SPATA7: variants seen among roughly 807,000 people sequenced by gnomAD.
SPATA7 encodes the protein spermatogenesis-associated protein 7.
Under a neutral mutation model 51.8 loss-of-function variants are expected in SPATA7, and 43 were observed. The ratio of observed to expected loss-of-function variants is 0.83; its 90% CI spans 0.65 to 1.07. The LOEUF is 1.07. SPATA7 is among the 50% of genes least tolerant of loss of function. SPATA7 has a pLI of 0.00. For synonymous variants in SPATA7, 230 were observed against 252.8 expected (o/e 0.91, Z 0.86); for missense variants, 683 against 701.3 (o/e 0.97, Z 0.30).
intron 4 of SPATA7, among the ~76,000 whole-genome samples, chr14:88,462,504 TAA>T (rs1194135336): frequency 2.0e-5 from 3 of 152,230 alleles, no homozygotes; most frequent in Admixed American, 1.3e-4. Context: ...AGTGTGAATT[TAA>T]GTTACACACG....
At position 88,426,629 on chromosome 14, in the gene SPATA7, G is replaced by T. The variant is rs533185075; in HGVS notation, c.770G>T (p.Arg257Leu). The T allele has an allele frequency of 1.9e-6, 3 of 1,613,792 alleles. No homozygotes were observed. The highest frequency in any genetic ancestry group is 1.7e-6 in the Non-Finnish European group (2 of 1,180,024). ...GCAAAATCTTTCCTGTCACAGTATCGCTATTATACACCTGCCAAAAGAAAA... is the reference window on the plus strand; with the variant it reads ...GCAAAATCTTTCCTGTCACAGTATCTCTATTATACACCTGCCAAAAGAAAA... ...TEAKSFLSQYRYYTPAKRKKD... is the reference protein window; with the variant it reads ...TEAKSFLSQYLYYTPAKRKKD... Residue 257 changes from arginine to leucine, a missense_variant, in exon 6 of 12, where the codon CGC becomes CTC. By Grantham distance (102) the Arg-to-Leu change is moderately radical. Transcript: ENST00000393545.
downstream of SPATA7, among the ~76,000 whole-genome samples, chr14:88,439,854 A>C (rs896066107): frequency 6.6e-6 from 1 of 151,798 alleles, no homozygotes; most frequent in Admixed American, 6.6e-5. Context: ...GGAATCCCCA[A>C]CTCACCCTGC....
intron 8 of SPATA7, 92 bp from the exon 9 acceptor site, chr14:88,431,080 G>T: frequency 1.8e-6 from 2 of 1,104,386 alleles, no homozygotes; most frequent in Non-Finnish European, 2.8e-6. Flanking sequence ...TAAGATAAGG[G>T]CTATTCAGTG....
Position 88,469,409 on chromosome 14 carries a change from A to G in SPATA7, c.255-438A>G. 8.6e-7 allele frequency: 1 copy of G among 1,168,192 alleles called. No individual in the cohort carries two copies. The highest frequency in any genetic ancestry group is 1.2e-6 in the Non-Finnish European group (1 of 803,616). The allele number at this position is 1,168,192 out of a possible 1,614,324, so 72.4% of individuals were successfully genotyped here. A position where few individuals can be genotyped will look rare whatever the true frequency, so the allele number is the denominator to read the frequency against. ...AAGTCCGAAGCTTATATGAGATAACATAAAGGAAATATTTCGGAAACATAA... is the reference window on the plus strand; with the variant it reads ...AAGTCCGAAGCTTATATGAGATAACGTAAAGGAAATATTTCGGAAACATAA... On this transcript the variant is annotated intron_variant, in intron 4 of 4. Coordinates refer to the SPATA7 transcript ENST00000556406. The surrounding 1 kb of genome is among the most constrained non-coding windows in gnomAD (Gnocchi z 4.3).
At chr14:88,394,911 C>T (rs997513385) in intron 3 of SPATA7, among the ~76,000 whole-genome samples, 2 of 152,012 alleles carry the variant, frequency 1.3e-5, no homozygotes, top group Admixed American at 6.6e-5. Flanking sequence ...ATCTGTATAT[C>T]TTCTTTGGTG....
At chr14:88,464,724 C>T (rs1322686091) in intron 4 of SPATA7, among the ~76,000 whole-genome samples, 2 of 151,732 alleles carry the variant, frequency 1.3e-5, no homozygotes, top group East Asian at 1.9e-4. Context: ...AACGAAACTC[C>T]GTCTCAAAAA....
downstream of SPATA7, among the ~76,000 whole-genome samples, chr14:88,458,693 T>G (rs1408847793): frequency 6.6e-6 from 1 of 152,188 alleles, no homozygotes; most frequent in Admixed American, 6.5e-5. Flanking sequence ...GATTCATTGA[T>G]TTTTTGAAGG....
chr14:88,418,764 A>G (rs948404383), intron 5 of SPATA7, among the ~76,000 whole-genome samples: 1 of 152,150 alleles, frequency 6.6e-6, no homozygotes, highest in African/African-American at 2.4e-5. Context: ...GTGAGCCACC[A>G]TGCCCGGCCT....
intron 4 of SPATA7, among the ~76,000 whole-genome samples, chr14:88,415,430 A>G (rs1595237681): frequency 6.6e-6 from 1 of 151,986 alleles, no homozygotes; most frequent in East Asian, 1.9e-4. Flanking sequence ...CTTCAGGCCT[A>G]TAGGTGTCAT....
In SPATA7 at chr14:88,469,184, GCA is replaced by G; in HGVS notation, c.255-661_255-660del. 7.9e-7 allele frequency: 1 copy of G among 1,272,352 alleles called. No individual in the cohort carries two copies. Among genetic ancestry groups the G allele is most frequent in the Non-Finnish European group, 1.1e-6 (1 of 930,714 alleles). 78.8% of individuals were successfully genotyped at this position (1,272,352 alleles called of 1,614,324 possible). ...TGATTAAGAGGACTGCAGATAAAGA[GCA>G]CTGGGTGCCAGTGAACCAAACCCAA... On this transcript the variant is annotated intron_variant, in intron 4 of 4. Transcript: ENST00000556406. The surrounding 1 kb of genome is among the most constrained non-coding windows in gnomAD (Gnocchi z 4.3).
chr14:88,438,141 C>G lies in SPATA7; in HGVS notation c.1519C>G (p.Gln507Glu). ...KSKHSEGVII[Q>E]QVNDETNLET... The stretch of plus-strand genomic sequence containing the variant: ...AAAGCATTCAGAAGGGGTTATAATT[C>G]AACAGGTGAATGATGAAACAAATCT... The change falls in exon 12 of 12, where the codon CAA becomes GAA. Residue 507 changes from glutamine to glutamate, a missense_variant. Transcript: ENST00000393545. 6.2e-7 allele frequency: 1 copy of G among 1,613,612 alleles called. No individual in the cohort carries two copies. The highest frequency in any genetic ancestry group is 8.5e-7 in the Non-Finnish European group (1 of 1,179,778).
intron 3 of SPATA7, among the ~76,000 whole-genome samples, chr14:88,444,624 C>T (rs536716856): frequency 9.2e-5 from 14 of 152,196 alleles, no homozygotes; most frequent in South Asian, 4.1e-4. Flanking sequence ...TTAGGTCTAA[C>T]GTTTAAGTCT....
chr14:88,431,004 A>G (rs985660443), intron 8 of SPATA7, among the ~76,000 whole-genome samples, 168 bp from the exon 9 acceptor site: 4 of 152,334 alleles, frequency 2.6e-5, no homozygotes, highest in African/African-American at 7.2e-5. Context: ...GAGATGCTCA[A>G]CTACTAAGTA....
chr14:88,386,074 C>CCCCT lies in SPATA7; in HGVS notation c.19+238_19+241dup. ...GAATTTGTCGCCCTGACACCAGGGG[C>CCCCT]CCCTGTCTCCTGAACTCAGGGTCGT... On this transcript the variant is annotated intron_variant, in intron 1 of 11. Coordinates refer to ENST00000393545, the MANE Select transcript of SPATA7 (RefSeq NM_018418.5). 3.6e-6 allele frequency: 5 copies of CCCCT among 1,405,968 alleles called. No individual in the cohort carries two copies. In the South Asian group the frequency reaches 7.5e-5, roughly 21 times the overall value. 87.1% of individuals were successfully genotyped at this position (1,405,968 alleles called of 1,614,324 possible).
exon 4 of SPATA7, chr14:88,455,142 A>G (rs765177403): frequency 4.4e-6 from 2 of 453,762 alleles, no homozygotes; most frequent in African/African-American, 4.0e-5. Context: ...CATATGTTCT[A>G]CTATAGAGGT....
chr14:88,401,872 C>T (rs999775598), intron 4 of SPATA7, among the ~76,000 whole-genome samples: 6 of 137,506 alleles, frequency 4.4e-5, no homozygotes, highest in African/African-American at 1.6e-4. Flanking sequence ...AGTAAGGTTA[C>T]TTCTGTTTGT....
intron 4 of SPATA7, among the ~76,000 whole-genome samples, chr14:88,409,643 G>C (rs2076287867): frequency 6.6e-6 from 1 of 152,018 alleles, no homozygotes; most frequent in Admixed American, 6.6e-5. Context: ...TTTTGAGTTA[G>C]TTTGCTCTCG....
rs786204787 is a variant in SPATA7, at chr14:88,391,457, T to C, written c.94+2T>C. The C allele has an allele frequency of 1.2e-6, 2 of 1,613,050 alleles. No homozygotes were observed. The highest frequency in any genetic ancestry group is 1.7e-6 in the Non-Finnish European group (2 of 1,179,266). On this transcript the variant is annotated splice_donor_variant, in intron 2 of 11. Coordinates refer to ENST00000393545, the MANE Select transcript of SPATA7 (RefSeq NM_018418.5). LOFTEE classifies it high-confidence loss of function. ...GACACTTGAGCACCAAAAGTAATGGTAAGTGAGGTGCTTAAAACGGCAGCT... is the reference window on the plus strand; with the variant it reads ...GACACTTGAGCACCAAAAGTAATGGCAAGTGAGGTGCTTAAAACGGCAGCT...
chr14:88,431,694 T>A (rs1184442856), intron 9 of SPATA7, among the ~76,000 whole-genome samples: 1 of 152,212 alleles, frequency 6.6e-6, no homozygotes, highest in Non-Finnish European at 1.5e-5. Flanking sequence ...CTTCCACATA[T>A]GAGTGAGAAC....
Sources: allele counts gnomAD v4.1 joint callset (sites outside exome capture counted in the v4.1 genomes callset), GRCh38; gene constraint gnomAD v4.1.1; non-coding constraint Gnocchi (gnomAD v3.1); transcripts MANE v1.5; gene names NCBI Gene and HGNC (gene_info 2026-07-23, HGNC 2026-07-21).